The following PDE6C variants were observed in gnomAD, a reference collection of about 807,000 sequenced individuals.
PDE6C encodes phosphodiesterase 6C, also known as cone cGMP-specific 3',5'-cyclic phosphodiesterase subunit alpha'.
In PDE6C, 75 loss-of-function variants were observed where a neutral mutation model predicts 113.1. That is an observed-to-expected ratio of 0.66 (90% CI 0.55 to 0.80). The LOEUF (loss-of-function observed/expected upper bound fraction) is 0.80. PDE6C is among the 30% of genes least tolerant of loss of function. The pLI is 0.00. For synonymous variants in PDE6C, 375 were observed against 363.7 expected (o/e 1.03, Z -0.35); for missense variants, 912 against 1,038.6 (o/e 0.88, Z 1.67).
At chr10:93,620,516 A>G in intron 1 of PDE6C, 116 bp from the exon 2 acceptor site, 1 of 1,027,546 alleles carries the variant, frequency 9.7e-7, no homozygotes, top group Non-Finnish European at 1.5e-6. Context: ...ACTGTACTGG[A>G]GCCCTGGTTA....
In PDE6C at chr10:93,634,875, C is replaced by T. The variant is rs1589697828; in HGVS notation, c.1237C>T (p.Pro413Ser). ...ATTTTACAACAGGAAGGATGGAAAACCTTTCGATGAGCATGATGAATACAT... is the reference window on the plus strand; with the variant it reads ...ATTTTACAACAGGAAGGATGGAAAATCTTTCGATGAGCATGATGAATACAT... ...ATFYNRKDGKPFDEHDEYITE... is the reference protein window; with the variant it reads ...ATFYNRKDGKSFDEHDEYITE... The change falls in exon 9 of 22, where the codon CCT becomes TCT. Residue 413 changes from proline to serine, a missense_variant. Physicochemically the swap from Pro to Ser is moderately conservative, Grantham distance 74. Transcript: ENST00000371447. 6.2e-7 allele frequency: 1 copy of T among 1,613,992 alleles called. No homozygotes were observed. Among genetic ancestry groups the T allele is most frequent in the Non-Finnish European group, 8.5e-7 (1 of 1,179,972 alleles).
Position 93,640,518 on chromosome 10 carries a change from T to C in PDE6C, c.1698T>C (p.His566=), listed in dbSNP as rs199791062. 6.2e-7 allele frequency: 1 copy of C among 1,613,860 alleles called. No homozygotes were observed. Among genetic ancestry groups the C allele is most frequent in the Non-Finnish European group, 8.5e-7 (1 of 1,179,760 alleles). ...YRAVTYHNWR[H]GFNVGQTMFT... The stretch of plus-strand genomic sequence containing the variant: ...CTGTCACTTACCACAATTGGCGGCA[T>C]GGGTTCAACGTGGGGCAGACCATGT... The change falls in exon 13 of 22, where the codon CAT becomes CAC. Residue 566 remains histidine (H), a synonymous_variant. Coordinates refer to ENST00000371447, the MANE Select transcript of PDE6C (RefSeq NM_006204.4).
intron 8 of PDE6C, among the ~76,000 whole-genome samples, chr10:93,633,830 G>C (rs981611768): frequency 6.6e-6 from 1 of 152,184 alleles, no homozygotes; most frequent in Non-Finnish European, 1.5e-5. Flanking sequence ...GAACAGTGAG[G>C]TAACATAGTG....
chr10:93,642,175 C>T (rs1477737648), intron 14 of PDE6C, among the ~76,000 whole-genome samples: 3 of 152,052 alleles, frequency 2.0e-5, no homozygotes, highest in Non-Finnish European at 4.4e-5. Context: ...ACCAGCCTTG[C>T]CAACATGGTG....
In PDE6C at chr10:93,663,127, A is replaced by T; in HGVS notation, c.2467A>T (p.Met823Leu). ...KSLADEYDAK[M>L]KVIEEEAKKQ... is the part of the protein sequence containing the mutation. ...ACTAGCTGATGAGTATGATGCAAAG[A>T]TGAAGGTCATTGAAGAGGAGGCAAA... Residue 823 changes from methionine to leucine, a missense_variant, in exon 21 of 22, where the codon ATG becomes TTG. Coordinates refer to ENST00000371447, the MANE Select transcript of PDE6C (RefSeq NM_006204.4). The T allele has an allele frequency of 1.2e-6, 2 of 1,613,782 alleles. No homozygotes were observed. Among genetic ancestry groups the T allele is most frequent in the Non-Finnish European group, 8.5e-7 (1 of 1,179,828 alleles).
chr10:93,662,679 C>A, intron 20 of PDE6C, 36 bp downstream of exon 20: 1 of 978,748 alleles, frequency 1.0e-6, no homozygotes, highest in Non-Finnish European at 1.7e-6. Flanking sequence ...AATACATAAA[C>A]ATTTGGATGA....
chr10:93,643,355 C>G (rs560702904), intron 14 of PDE6C, among the ~76,000 whole-genome samples: 1 of 152,152 alleles, frequency 6.6e-6, no homozygotes, highest in South Asian at 2.1e-4. Context: ...TGACTGCAGA[C>G]TGTCAGTGTG....
At position 93,612,745 on chromosome 10, in the gene PDE6C, T is replaced by C. The variant is rs141312777; in HGVS notation, c.20T>C (p.Val7Ala). The change falls in exon 1 of 22, where the codon GTT (valine) becomes GCT (alanine). Residue 7 changes from valine (V) to alanine (A), a missense_variant. Coordinates refer to ENST00000371447, the MANE Select transcript of PDE6C (RefSeq NM_006204.4). MGEINQ[V>A]AVEKYLEENP... ...CACACCATGGGTGAGATCAACCAAG[T>C]TGCCGTGGAGAAATACCTGGAGGAG... is the stretch of plus-strand genomic sequence containing the variant. 2.9e-5 allele frequency: 47 copies of C among 1,613,886 alleles called. No homozygotes were observed. Among genetic ancestry groups the C allele is most frequent in the East Asian group, 1.3e-4 (6 of 44,890 alleles).
chr10:93,629,247 T>C lies in PDE6C; in HGVS notation c.1072-11T>C, dbSNP rs769173609. The C allele has an allele frequency of 6.2e-6, 10 of 1,605,862 alleles. No homozygotes were observed. Among genetic ancestry groups the C allele is most frequent in the Non-Finnish European group, 7.7e-6 (9 of 1,172,538 alleles). On this transcript the variant is annotated splice_polypyrimidine_tract_variant and intron_variant, in intron 7 of 21. Coordinates refer to ENST00000371447, the MANE Select transcript of PDE6C (RefSeq NM_006204.4). Reference sequence around the variant, plus strand: ...AATATTTCAGACCATTTGTCTCCTCTTGCCTTCCAGATCTGTAACATGATG... The same window carrying C: ...AATATTTCAGACCATTTGTCTCCTCCTGCCTTCCAGATCTGTAACATGATG...
chr10:93,647,146 T>C (rs1244436295), intron 15 of PDE6C, among the ~76,000 whole-genome samples: 3 of 152,198 alleles, frequency 2.0e-5, no homozygotes, highest in Non-Finnish European at 4.4e-5. Flanking sequence ...GTGGATGTTG[T>C]CTAATTATAC....
At chr10:93,658,816 G>A (rs1396662485) in intron 16 of PDE6C, 85 bp from the exon 17 acceptor site, 14 of 831,840 alleles carry the variant, frequency 1.7e-5, no homozygotes, top group Non-Finnish European at 2.6e-5. Context: ...AAGTGGGAAC[G>A]TGAAATCTGA....
intron 8 of PDE6C, among the ~76,000 whole-genome samples, chr10:93,633,881 G>T (rs1432964988): frequency 2.6e-5 from 4 of 152,160 alleles, no homozygotes; most frequent in African/African-American, 9.7e-5. Flanking sequence ...GGAAAGAAAG[G>T]GAAAAGGTTA....
intron 15 of PDE6C, among the ~76,000 whole-genome samples, chr10:93,646,260 C>T (rs1012937017): frequency 1.2e-4 from 19 of 152,096 alleles, no homozygotes. Context: ...CATGGAAAGT[C>T]ACAGAATCTC....
rs1358997637 is a variant in PDE6C, at chr10:93,662,117, T to G, written c.2267T>G (p.Leu756Trp). 1.2e-6 allele frequency: 2 copies of G among 1,604,730 alleles called. No individual in the cohort carries two copies. Among genetic ancestry groups the G allele is most frequent in the Admixed American group, 3.3e-5 (2 of 59,990 alleles). ...CAAGGAGATCTGGAGAGAACAGTGT[T>G]GCAGCAACAACCCATTGTAAGACCT... ...WEQGDLERTV[L>W]QQQPIPMMDR... Residue 756 changes from leucine (L) to tryptophan (W), a missense_variant, in exon 19 of 22, where the codon TTG becomes TGG. Coordinates refer to ENST00000371447, the MANE Select transcript of PDE6C (RefSeq NM_006204.4).
intron 1 of PDE6C, among the ~76,000 whole-genome samples, chr10:93,613,440 A>G (rs919484174): frequency 1.3e-5 from 2 of 152,196 alleles, no homozygotes; most frequent in African/African-American, 4.8e-5. Context: ...TCTGAAGTAT[A>G]AGTATGTCCC....
At chr10:93,647,875 C>T (rs2058591984) in intron 15 of PDE6C, among the ~76,000 whole-genome samples, 1 of 152,164 alleles carries the variant, frequency 6.6e-6, no homozygotes, top group East Asian at 1.9e-4. Context: ...GAAAATAACT[C>T]AGGAATGTAA....
Position 93,654,810 on chromosome 10 carries a change from C to T in PDE6C, c.1936-950C>T, listed in dbSNP as rs200513336. Among the ~76,000 whole-genome samples, 144 of 77,044 alleles carry T rather than the reference C, an allele frequency of 1.9e-3. 1 individual carries two copies. The highest frequency in any genetic ancestry group is 5.9e-3 in the Admixed American group (40 of 6,784). The allele number at this position is 77,044 out of a possible 152,430, so 50.5% of individuals were successfully genotyped here. Reference sequence around the variant, plus strand: ...TCTTTCTTTCTTTCTTTCTTTCTTTCTTTTTTTTTTTTTTTGAAACAGGGT... The same window carrying T: ...TCTTTCTTTCTTTCTTTCTTTCTTTTTTTTTTTTTTTTTTTGAAACAGGGT... On this transcript the variant is annotated intron_variant, in intron 15 of 21. Coordinates refer to ENST00000371447, the MANE Select transcript of PDE6C (RefSeq NM_006204.4).
At chr10:93,659,282 T>A (rs895697834) in intron 18 of PDE6C, 115 bp downstream of exon 18, 5 of 741,088 alleles carry the variant, frequency 6.7e-6, no homozygotes, top group Admixed American at 2.3e-5. Context: ...TTACAAATAT[T>A]AGTGAGACAG....
intron 8 of PDE6C, among the ~76,000 whole-genome samples, chr10:93,630,962 T>C (rs573396293): frequency 6.6e-6 from 1 of 152,338 alleles, no homozygotes; most frequent in African/African-American, 2.4e-5. Context: ...AGGATGCATG[T>C]CAGCAAAAGG....
Sources: allele counts gnomAD v4.1 joint callset (sites outside exome capture counted in the v4.1 genomes callset), GRCh38; gene constraint gnomAD v4.1.1; transcripts MANE v1.5; gene names NCBI Gene and HGNC (gene_info 2026-07-23, HGNC 2026-07-21).